The following NOTCH1 variants were observed in gnomAD, a reference collection of about 807,000 sequenced individuals.
NOTCH1 encodes the protein neurogenic locus notch homolog protein 1.
A neutral mutation model predicts 254.8 loss-of-function variants in NOTCH1; 37 were observed. The ratio of observed to expected loss-of-function variants is 0.15; its 90% CI spans 0.11 to 0.19. The LOEUF is 0.19. Ranked by LOEUF, NOTCH1 falls within the 10% of genes least tolerant of loss-of-function variation. NOTCH1 has a pLI of 1.00. For missense variants in NOTCH1, 2,972 were observed against 3,708.6 expected, an observed-to-expected ratio of 0.80 and a Z score of 5.16; for synonymous variants, 1,731 against 1,618.1, an observed-to-expected ratio of 1.07 and a Z score of -1.68.
chr9:136,510,399 C>T (rs896117124), intron 17 of NOTCH1: 26 of 597,718 alleles, frequency 4.3e-5, no homozygotes, highest in African/African-American at 4.3e-4. Flanking sequence ...GAGCCATCCT[C>T]GGCTCAGTGA....
At position 136,496,339 on chromosome 9, in the gene NOTCH1, G is replaced by A. The variant is rs375025242; in HGVS notation, c.7400C>T (p.Ser2467Leu). The A allele has an allele frequency of 1.5e-4, 235 of 1,593,036 alleles. No homozygotes were observed. The highest frequency in any genetic ancestry group is 1.6e-4 in the Non-Finnish European group (184 of 1,171,292). Residue 2467 changes from serine (S) to leucine (L), a missense_variant, in exon 34 of 34, where the codon TCG (serine) becomes TTG (leucine). Transcript: ENST00000651671. ...GGGTGGGACCAGCGAGGATGGCAGC[G>A]ACGTGGGCAGGGCGGGGCTCTCCTG... ...LPQESPALPT[S>L]LPSSLVPPVT...
At chr9:136,526,943 G>A (rs1843469924) in intron 2 of NOTCH1, among the ~76,000 whole-genome samples, 1 of 152,172 alleles carries the variant, frequency 6.6e-6, no homozygotes, top group African/African-American at 2.4e-5. Flanking sequence ...AGGGCCCATT[G>A]TCCGCCCCCA....
At chr9:136,516,119 G>C in intron 9 of NOTCH1, 25 bp from the exon 10 acceptor site, 1 of 1,550,734 alleles carries the variant, frequency 6.4e-7, no homozygotes, top group Non-Finnish European at 8.9e-7. Context: ...GGGAGGGGAG[G>C]GAGTCATGTG....
At chr9:136,518,106 A>G in intron 7 of NOTCH1, 31 bp downstream of exon 7, 3 of 1,566,104 alleles carry the variant, frequency 1.9e-6, no homozygotes, top group Non-Finnish European at 2.6e-6. Context: ...TGCCACCCCC[A>G]CCTGGCCGCA....
chr9:136,536,561 G>GC (rs1334501357), intron 2 of NOTCH1, among the ~76,000 whole-genome samples: 2 of 152,160 alleles, frequency 1.3e-5, no homozygotes, highest in East Asian at 1.9e-4. Flanking sequence ...AAGCCTCACT[G>GC]CCCCCCGCTG....
At position 136,495,117 on chromosome 9, in the gene NOTCH1, G is replaced by A. The variant is rs546033475; in HGVS notation, c.*954C>T. 9 of 399,104 alleles carry A rather than the reference G, an allele frequency of 2.3e-5. No individual in the cohort carries two copies. The highest frequency in any genetic ancestry group is 1.6e-4 in the African/African-American group (8 of 48,778). The allele number at this position is 399,104 out of a possible 1,614,324, so 24.7% of individuals were successfully genotyped here. On this transcript the variant is annotated 3_prime_UTR_variant, in exon 34 of 34. Coordinates refer to ENST00000651671, the MANE Select transcript of NOTCH1 (RefSeq NM_017617.5). ...TTCTTCGGAACCTGGGGGACACTGT[G>A]CAGGCTGAGGTGCTGGGGCCGCCAC... is the stretch of plus-strand genomic sequence containing the variant.
intron 18 of NOTCH1, 72 bp from the exon 19 acceptor site, chr9:136,509,143 C>A: frequency 7.3e-7 from 1 of 1,377,836 alleles, no homozygotes; most frequent in Non-Finnish European, 1.0e-6. Flanking sequence ...GATTCTGCCT[C>A]GCCAGCACCT....
rs928471137 is a variant in NOTCH1, at chr9:136,508,943, C to T, written c.3098G>A (p.Gly1033Asp). 7 of 1,550,528 alleles carry T rather than the reference C, an allele frequency of 4.5e-6. No individual in the cohort carries two copies. Among genetic ancestry groups the T allele is most frequent in the Non-Finnish European group, 6.1e-6 (7 of 1,147,760 alleles). Reference protein sequence around the residue: ...NECDSQPCLHGGTCQDGCGSY... With the variant: ...NECDSQPCLHDGTCQDGCGSY... ...GCCGCAGCCGTCCTGACAGGTGCCGCCATGCAGGCAGGGCTGTGAGTCGCA... is the reference window on the plus strand; with the variant it reads ...GCCGCAGCCGTCCTGACAGGTGCCGTCATGCAGGCAGGGCTGTGAGTCGCA... The change falls in exon 19 of 34, where the codon GGC becomes GAC. Residue 1033 changes from glycine (G) to aspartate (D), a missense_variant. Gly to Asp is a moderately conservative substitution (Grantham distance 94). Around this residue, in one of 8 missense-constraint regions of NOTCH1, gnomAD observed 1,343 missense variants for 1,557.0 expected, o/e 0.86. Transcript: ENST00000651671.
At chr9:136,525,637 G>C (rs990961265) in intron 2 of NOTCH1, among the ~76,000 whole-genome samples, 3 of 152,168 alleles carry the variant, frequency 2.0e-5, no homozygotes, top group Non-Finnish European at 2.9e-5. Flanking sequence ...GAAGCTGCCG[G>C]CTTCCCACAG....
chr9:136,508,121 A>G lies in NOTCH1; in HGVS notation c.3344T>C (p.Leu1115Pro). The change falls in exon 21 of 34, where the codon CTG becomes CCG. Residue 1115 changes from leucine to proline, a missense_variant. Transcript: ENST00000651671. ...CACACAGAGCCCTCCATGCTGGCAC[A>G]GGCGGGCAACGTCAACACCTGCGGG... is the stretch of plus-strand genomic sequence containing the variant. ...AQRQGVDVAR[L>P]CQHGGLCVDA... The G allele has an allele frequency of 1.9e-6, 3 of 1,608,384 alleles. No homozygotes were observed. The highest frequency in any genetic ancestry group is 2.5e-6 in the Non-Finnish European group (3 of 1,179,832).
chr9:136,503,179 T>TA lies in NOTCH1; in HGVS notation c.5167+2dup, dbSNP rs1843027531. 1.9e-6 allele frequency: 3 copies of TA among 1,612,604 alleles called. No homozygotes were observed. Among genetic ancestry groups the TA allele is most frequent in the Non-Finnish European group, 1.7e-6 (2 of 1,180,000 alleles). On this transcript the variant is annotated splice_region_variant and intron_variant, in intron 27 of 33. Coordinates refer to ENST00000651671, the MANE Select transcript of NOTCH1 (RefSeq NM_017617.5). ...CCTGTTCCCGGGATGGGGCCACACT[T>TA]ACTCTGCACGGCCTCGATCTTGTAG...
intron 2 of NOTCH1, among the ~76,000 whole-genome samples, chr9:136,528,297 C>T (rs1012196468): frequency 1.4e-5 from 2 of 139,568 alleles, no homozygotes; most frequent in African/African-American, 5.5e-5. Flanking sequence ...TGGCTCTGCA[C>T]CCGCCACAGG....
At chr9:136,505,257 G>C (rs539597351) in intron 25 of NOTCH1, 53 bp downstream of exon 25, 73 of 1,542,552 alleles carry the variant, frequency 4.7e-5, no homozygotes, top group Non-Finnish European at 6.1e-5. Flanking sequence ...GCCCAAGCCA[G>C]GCCACATCCA....
Position 136,506,730 on chromosome 9 carries a change from C to A in NOTCH1, c.3887G>T (p.Arg1296Leu). 6.3e-7 allele frequency: 1 copy of A among 1,599,836 alleles called. No homozygotes were observed. Among genetic ancestry groups the A allele is most frequent in the South Asian group, 1.1e-5 (1 of 89,280 alleles). ...QRVNDFHCEC[R>L]AGHTGRRCES... is the part of the protein sequence containing the mutation. The stretch of plus-strand genomic sequence containing the variant: ...GCGGCACCCACCGGTGTGACCAGCA[C>A]GGCACTCGCAGTGGAAGTCATTGAC... The change falls in exon 23 of 34, where the codon CGT becomes CTT. Residue 1296 changes from arginine (R) to leucine (L), a missense_variant. Physicochemically the swap from Arg to Leu is moderately radical, Grantham distance 102. Around this residue, in one of 8 missense-constraint regions of NOTCH1, gnomAD observed 1,343 missense variants for 1,557.0 expected, o/e 0.86. Coordinates refer to ENST00000651671, the MANE Select transcript of NOTCH1 (RefSeq NM_017617.5). The surrounding 1 kb of genome is among the most constrained non-coding windows in gnomAD (Gnocchi z 4.5).
intron 2 of NOTCH1, among the ~76,000 whole-genome samples, chr9:136,542,574 G>A (rs1275226760): frequency 2.1e-5 from 3 of 142,938 alleles, no homozygotes; most frequent in Non-Finnish European, 3.0e-5. Context: ...AAAGTAGTGC[G>A]CATTCATTAG....
At position 136,505,857 on chromosome 9, in the gene NOTCH1, T is replaced by C. The variant is rs758762148; in HGVS notation, c.4039A>G (p.Asn1347Asp). The change falls in exon 25 of 34, where the codon AAT becomes GAT. Residue 1347 changes from asparagine to aspartate, a missense_variant. Physicochemically the swap from Asn to Asp is conservative, Grantham distance 23. This residue lies in a region of NOTCH1 where 1,343 missense variants were observed against 1,557.0 expected (regional missense o/e 0.86). Coordinates refer to ENST00000651671, the MANE Select transcript of NOTCH1 (RefSeq NM_017617.5). ...PAGFEGATCE[N>D]DARTCGSLRC... is the part of the protein sequence containing the mutation. ...AGGCTGCCGCAGGTACGAGCGTCATTCTCACACGTGGCGCCCTCGAAGCCC... is the reference window on the plus strand; with the variant it reads ...AGGCTGCCGCAGGTACGAGCGTCATCCTCACACGTGGCGCCCTCGAAGCCC... The C allele has an allele frequency of 6.3e-7, 1 of 1,594,742 alleles. No homozygotes were observed.
chr9:136,543,557 A>C (rs1170425555), intron 2 of NOTCH1: 1 of 316,632 alleles, frequency 3.2e-6, no homozygotes, highest in African/African-American at 2.3e-5. Flanking sequence ...CATCACTACC[A>C]GCCCAAGAGG....
chr9:136,531,090 A>C (rs894308380), intron 2 of NOTCH1, among the ~76,000 whole-genome samples: 2 of 152,216 alleles, frequency 1.3e-5, no homozygotes, highest in Non-Finnish European at 2.9e-5. Context: ...CTCCATGTCC[A>C]GCGTCCTTGT....
Position 136,524,726 on chromosome 9 carries a change from C to T in NOTCH1, c.141-747G>A, listed in dbSNP as rs1443406340. Among the ~76,000 whole-genome samples, 7 of 149,714 alleles carry T rather than the reference C, an allele frequency of 4.7e-5. No individual in the cohort carries two copies. In the Admixed American group the frequency reaches 4.7e-4, roughly 10 times the overall value. On this transcript the variant is annotated intron_variant, in intron 2 of 33. Transcript: ENST00000651671. Reference sequence around the variant, plus strand: ...GATCTAGGCTCACTGCAACCTCTGCCTCCCAGGTTCAAGCGATTCTCCTGC... The same window carrying T: ...GATCTAGGCTCACTGCAACCTCTGCTTCCCAGGTTCAAGCGATTCTCCTGC...
Sources: allele counts gnomAD v4.1 joint callset (sites outside exome capture counted in the v4.1 genomes callset), GRCh38; gene constraint gnomAD v4.1.1; regional missense constraint gnomAD v4.1.1; non-coding constraint Gnocchi (gnomAD v3.1); transcripts MANE v1.5; gene names NCBI Gene and HGNC (gene_info 2026-07-23, HGNC 2026-07-21).